The following PRR5 variants were observed in gnomAD, a reference collection of about 807,000 sequenced individuals.
The protein encoded by PRR5 is proline rich 5.
In PRR5, 25 loss-of-function variants were observed where a neutral mutation model predicts 30.6. The ratio of observed to expected loss-of-function variants is 0.82; its 90% CI spans 0.60 to 1.14. The LOEUF (loss-of-function observed/expected upper bound fraction) is 1.14, where lower values mean the gene tolerates loss of function less well. Ranked by LOEUF, PRR5 falls within the 50% of genes most tolerant of loss-of-function variation. The probability of loss-of-function intolerance (pLI) is 0.00; values close to 1 mark genes in which losing one functional copy is unlikely to be tolerated. For synonymous variants in PRR5, 286 were observed against 247.1 expected, an observed-to-expected ratio of 1.16 and a Z score of -1.48; for missense variants, 600 against 547.1, an observed-to-expected ratio of 1.10 and a Z score of -0.96.
At chr22:44,713,041 C>A (rs1459013478) in intron 1 of PRR5, among the ~76,000 whole-genome samples, 4 of 152,166 alleles carry the variant, frequency 2.6e-5, no homozygotes, top group Admixed American at 2.0e-4. Flanking sequence ...GCTACTAAGA[C>A]CCAGAGATGT....
chr22:44,693,639 T>C (rs964746560), intron 1 of PRR5, among the ~76,000 whole-genome samples: 98 of 139,890 alleles, frequency 7.0e-4, no homozygotes, highest in Non-Finnish European at 1.3e-3. Context: ...TTTTTTTTTT[T>C]CTGAGGTGGA....
intron 1 of PRR5, among the ~76,000 whole-genome samples, chr22:44,694,821 A>G (rs1344998553): frequency 1.3e-5 from 2 of 151,952 alleles, no homozygotes; most frequent in African/African-American, 2.4e-5. Flanking sequence ...TTATCTCCCC[A>G]CTCCAAGGAC....
intron 1 of PRR5, among the ~76,000 whole-genome samples, chr22:44,690,572 A>T (rs1925149175): frequency 6.6e-6 from 1 of 152,146 alleles, no homozygotes; most frequent in African/African-American, 2.4e-5. Flanking sequence ...AGATGTGATG[A>T]GGATTCTCAT....
chr22:44,714,637 G>C lies in PRR5; in HGVS notation c.181G>C (p.Asp61His), dbSNP rs376589595. The C allele has an allele frequency of 3.1e-6, 5 of 1,613,792 alleles. No individual in the cohort carries two copies. In the East Asian group the frequency reaches 1.1e-4, roughly 36 times the overall value. The change falls in exon 2 of 8, where the codon GAC (aspartate) becomes CAC (histidine). Residue 61 changes from aspartate to histidine, a missense_variant. Physicochemically the swap from Asp to His is moderately conservative, Grantham distance 81. Transcript: ENST00000336985. ...CGTCTTCCAGCGCAAGGGGCTGCCC[G>C]ACCAGGAGCTCTTCAGCCTCAACGA... ...IAVFQRKGLPDQELFSLNEGV... is the reference protein window; with the variant it reads ...IAVFQRKGLPHQELFSLNEGV...
chr22:44,734,679 G>T, intron 6 of PRR5: 2 of 245,520 alleles, frequency 8.1e-6, no homozygotes, highest in Non-Finnish European at 1.6e-5. Context: ...GTCAGCCAGT[G>T]TCTCTGGAGA....
chr22:44,681,240 C>T (rs1392122842), intron 1 of PRR5, among the ~76,000 whole-genome samples: 1 of 152,104 alleles, frequency 6.6e-6, no homozygotes, highest in East Asian at 1.9e-4. Flanking sequence ...GCCAGCCTTC[C>T]TTTGACTGGG....
In PRR5 at chr22:44,725,286, C is replaced by T. The variant is rs758865281; in HGVS notation, c.258C>T (p.Tyr86=). Residue 86 remains tyrosine (Y), a synonymous_variant, in exon 3 of 8, where the codon TAC becomes TAT. Coordinates refer to ENST00000336985, the MANE Select transcript of PRR5 (RefSeq NM_181333.4). ...AGCTGGGGTCCTTCTTCACGGAGTA[C>T]CTGCAGGTAGGTGGGTCTTGCTCCA... ...KTELGSFFTE[Y]LQNQLLTKGM... 4 of 1,613,450 alleles carry T rather than the reference C, an allele frequency of 2.5e-6. No individual in the cohort carries two copies. The South Asian group carries it at 4.4e-5, about 18-fold the overall frequency.
intron 1 of PRR5, among the ~76,000 whole-genome samples, chr22:44,703,091 G>T (rs1184459361): frequency 6.6e-6 from 1 of 152,190 alleles, no homozygotes; most frequent in Non-Finnish European, 1.5e-5. Context: ...CTGTCCTCCA[G>T]CTGTCAGCAG....
rs751052079 is a variant in PRR5 at position 44,714,635 on chromosome 22, C to G, written c.179C>G (p.Pro60Arg). Residue 60 changes from proline (P) to arginine (R), a missense_variant, in exon 2 of 8, where the codon CCC (proline) becomes CGC (arginine). Transcript: ENST00000336985. ...VIAVFQRKGL[P>R]DQELFSLNEG... is the part of the protein sequence containing the mutation. Reference sequence around the variant, plus strand: ...GCCGTCTTCCAGCGCAAGGGGCTGCCCGACCAGGAGCTCTTCAGCCTCAAC... The same window carrying G: ...GCCGTCTTCCAGCGCAAGGGGCTGCGCGACCAGGAGCTCTTCAGCCTCAAC... 2.7e-5 allele frequency: 44 copies of G among 1,613,712 alleles called. No individual in the cohort carries two copies. The highest frequency in any genetic ancestry group is 5.9e-6 in the Non-Finnish European group (7 of 1,180,022).
intron 1 of PRR5, among the ~76,000 whole-genome samples, chr22:44,688,405 C>A (rs1226719979): frequency 1.3e-5 from 2 of 152,092 alleles, no homozygotes; most frequent in African/African-American, 4.8e-5. Context: ...ATATTTCCTG[C>A]AATGTTACTA....
At chr22:44,712,204 G>T (rs1569090125) in intron 1 of PRR5, among the ~76,000 whole-genome samples, 2 of 152,320 alleles carry the variant, frequency 1.3e-5, no homozygotes, top group East Asian at 1.9e-4. Context: ...CGTGTCCCCA[G>T]ACACGGGACT....
At position 44,722,983 on chromosome 22, in the gene PRR5, C is replaced by T. The variant is rs539530615; in HGVS notation, c.216-2261C>T. ...ACAATTGTTCCATAATCTTTAAAAA[C>T]TTTTCTTTTTTTTTTTTTTTGAGAC... On this transcript the variant is annotated intron_variant, in intron 2 of 7. Transcript: ENST00000336985. Among the ~76,000 whole-genome samples, 225 of 140,444 alleles carry T rather than the reference C, an allele frequency of 1.6e-3. 1 individual carries two copies. Among genetic ancestry groups the T allele is most frequent in the African/African-American group, 5.4e-3 (212 of 39,454 alleles). 92.1% of individuals were successfully genotyped at this position (140,444 alleles called of 152,430 possible). A position where few individuals can be genotyped will look rare whatever the true frequency, so the allele number is the denominator to read the frequency against.
chr22:44,682,197 C>G (rs1924354297), intron 1 of PRR5, among the ~76,000 whole-genome samples: 2 of 151,844 alleles, frequency 1.3e-5, no homozygotes, highest in African/African-American at 4.9e-5. Context: ...GGCCCCAAAG[C>G]TGAGAGGACC....
intron 1 of PRR5, among the ~76,000 whole-genome samples, chr22:44,710,035 C>T (rs1380225521): frequency 1.3e-5 from 2 of 152,204 alleles, no homozygotes; most frequent in African/African-American, 4.8e-5. Context: ...CCGCCCCTCC[C>T]AACCCGGCCT....
upstream of PRR5, among the ~76,000 whole-genome samples, chr22:44,697,905 C>T (rs1305891714): frequency 2.0e-5 from 3 of 152,202 alleles, no homozygotes; most frequent in South Asian, 2.1e-4. Context: ...CCTATAGTAC[C>T]CCTCCCTGGG....
intron 1 of PRR5, among the ~76,000 whole-genome samples, chr22:44,692,367 G>C (rs1191019815): frequency 2.5e-5 from 3 of 122,034 alleles, no homozygotes; most frequent in African/African-American, 1.0e-4. Flanking sequence ...TCCTCCCAGG[G>C]CTCCTCCTCC....
chr22:44,679,692 G>A, intron 1 of PRR5: 1 of 1,063,326 alleles, frequency 9.4e-7, no homozygotes, highest in Non-Finnish European at 1.3e-6. Flanking sequence ...GGCAACAAGA[G>A]CGAAACTCCA....
intron 2 of PRR5, among the ~76,000 whole-genome samples, chr22:44,718,917 G>A (rs1363752178): frequency 6.6e-6 from 1 of 152,068 alleles, no homozygotes; most frequent in Non-Finnish European, 1.5e-5. Flanking sequence ...ATACTGGTTT[G>A]TAAATCTTTC....
intron 3 of PRR5, among the ~76,000 whole-genome samples, chr22:44,725,863 C>A (rs1055997504): frequency 2.6e-5 from 4 of 152,124 alleles, no homozygotes; most frequent in African/African-American, 9.7e-5. Context: ...AGGATTTCAC[C>A]ATGTTGGCCA....
Sources: allele counts gnomAD v4.1 joint callset (sites outside exome capture counted in the v4.1 genomes callset), GRCh38; gene constraint gnomAD v4.1.1; transcripts MANE v1.5; gene names NCBI Gene and HGNC (gene_info 2026-07-23, HGNC 2026-07-21).